The following FAM163A variants were observed in gnomAD, a reference collection of about 807,000 sequenced individuals.
FAM163A encodes the protein family with sequence similarity 163 member A.
In FAM163A, 7 loss-of-function variants were observed where a neutral mutation model predicts 12.0. That is an observed-to-expected ratio of 0.58 (90% confidence interval 0.33 to 1.10). The LOEUF (loss-of-function observed/expected upper bound fraction) is 1.10, where lower values mean the gene tolerates loss of function less well. Among genes scored for constraint, FAM163A ranks in the 50% least tolerant of loss-of-function variants. The probability of loss-of-function intolerance (pLI) is 0.03; values close to 1 mark genes in which losing one functional copy is unlikely to be tolerated. For missense variants in FAM163A, 202 were observed against 218.6 expected (o/e 0.92, Z 0.48); for synonymous variants, 101 against 91.0 (o/e 1.11, Z -0.62).
rs1159357483 is a variant in FAM163A at position 179,814,161 on chromosome 1, A to G, written c.476A>G (p.Asn159Ser). 4 of 1,613,944 alleles carry G rather than the reference A, an allele frequency of 2.5e-6. No homozygotes were observed. Among genetic ancestry groups the G allele is most frequent in the African/African-American group, 1.3e-5 (1 of 75,022 alleles). The change falls in exon 5 of 5, where the codon AAT (asparagine) becomes AGT (serine). Residue 159 changes from asparagine (N) to serine (S), a missense_variant. Coordinates refer to ENST00000341785, the MANE Select transcript of FAM163A (RefSeq NM_173509.3). The part of the protein sequence containing the change: ...WPGSGREAFT[N>S]PRAISTDV The stretch of plus-strand genomic sequence containing the variant: ...GGCTCTGGGCGTGAGGCCTTCACCA[A>G]TCCAAGGGCTATTAGTACAGACGTG...
At chr1:179,797,526 A>G (rs942105696) in intron 1 of FAM163A, among the ~76,000 whole-genome samples, 4 of 152,170 alleles carry the variant, frequency 2.6e-5, no homozygotes, top group Non-Finnish European at 4.4e-5. Context: ...GCTGGGGACT[A>G]CAGTTCCCAG....
At position 179,776,526 on chromosome 1, in the gene FAM163A, A is replaced by G. The variant is rs115336119; in HGVS notation, c.-135-31272A>G. Among the ~76,000 whole-genome samples, 1,164 of 151,758 alleles carry G rather than the reference A, an allele frequency of 7.7e-3. 17 individuals carry two copies. Among genetic ancestry groups the G allele is most frequent in the African/African-American group, 0.026 (1,085 of 41,422 alleles). On this transcript the variant is annotated intron_variant, in intron 1 of 4. Coordinates refer to ENST00000341785, the MANE Select transcript of FAM163A (RefSeq NM_173509.3). Reference sequence around the variant, plus strand: ...AAAACAGAGAGAGAAACCACCTACAACTTTACTGCCGTAGCATTCACTTAT... The same window carrying G: ...AAAACAGAGAGAGAAACCACCTACAGCTTTACTGCCGTAGCATTCACTTAT...
chr1:179,802,458 CG>C (rs1259857454), intron 1 of FAM163A, among the ~76,000 whole-genome samples: 1 of 152,204 alleles, frequency 6.6e-6, no homozygotes, highest in Non-Finnish European at 1.5e-5. Context: ...CCTGAGTTTA[CG>C]GGTCCACTCC....
chr1:179,815,114 GACACAC>G lies in FAM163A; in HGVS notation c.*957_*962del, dbSNP rs5779040. ...GTACGCACGCGCGCGCGCGCGCACA[GACACAC>G]ACACACACACACACACACACACACA... On this transcript the variant is annotated 3_prime_UTR_variant, in exon 5 of 5. Coordinates refer to ENST00000341785, the MANE Select transcript of FAM163A (RefSeq NM_173509.3). 301 of 129,832 alleles carry G rather than the reference GACACAC, an allele frequency of 2.3e-3. 3 individuals carry two copies. The highest frequency in any genetic ancestry group is 0.014 in the South Asian group (62 of 4,388). The allele number at this position is 129,832 out of a possible 1,614,324, so 8.0% of individuals were successfully genotyped here. A position where few individuals can be genotyped will look rare whatever the true frequency, so the allele number is the denominator to read the frequency against.
upstream of FAM163A, among the ~76,000 whole-genome samples, chr1:179,740,645 T>G (rs1683525777): frequency 6.6e-6 from 1 of 152,208 alleles, no homozygotes; most frequent in Non-Finnish European, 1.5e-5. Flanking sequence ...TACAAATGAT[T>G]TCATTTAAAT....
intron 3 of FAM163A, 57 bp downstream of exon 3, chr1:179,812,188 C>A (rs982390199): frequency 6.5e-6 from 1 of 152,712 alleles, no homozygotes; most frequent in African/African-American, 2.4e-5. Context: ...ATTCCCCACC[C>A]TCCTGCCCCT....
chr1:179,814,012 G>A lies in FAM163A; in HGVS notation c.327G>A (p.Thr109=), dbSNP rs780622657. Residue 109 remains threonine, a synonymous_variant, in exon 5 of 5, where the codon ACG becomes ACA. Transcript: ENST00000341785. ...SPYSSPFYIR[T]ADMVPNGGGG... is the part of the protein sequence containing the mutation. Reference sequence around the variant, plus strand: ...ACAGCTCCCCCTTTTACATACGGACGGCTGACATGGTGCCCAATGGGGGTG... The same window carrying A: ...ACAGCTCCCCCTTTTACATACGGACAGCTGACATGGTGCCCAATGGGGGTG... 3.7e-6 allele frequency: 6 copies of A among 1,613,076 alleles called. No homozygotes were observed. In the Admixed American group the frequency reaches 8.3e-5, roughly 22 times the overall value.
the FAM163A span, among the ~76,000 whole-genome samples, chr1:179,728,567 T>G: frequency 6.6e-6 from 1 of 152,200 alleles, no homozygotes; most frequent in Admixed American, 6.5e-5. Context: ...AGTGAATTCG[T>G]GGTCTCCAGA....
chr1:179,765,762 C>A (rs956755880), intron 1 of FAM163A, among the ~76,000 whole-genome samples: 2 of 148,278 alleles, frequency 1.3e-5, no homozygotes, highest in African/African-American at 2.5e-5. Flanking sequence ...TCTCTCACAT[C>A]CATGGTTTTG....
chr1:179,807,713 G>A (rs1263577085), intron 1 of FAM163A, 85 bp from the exon 2 acceptor site: 1 of 152,394 alleles, frequency 6.6e-6, no homozygotes, highest in Non-Finnish European at 1.5e-5. Flanking sequence ...AGAAGCTGGG[G>A]TCACAACTGG....
intron 1 of FAM163A, among the ~76,000 whole-genome samples, chr1:179,783,856 A>G (rs1690207894): frequency 7.5e-6 from 1 of 133,234 alleles, no homozygotes; most frequent in Admixed American, 7.3e-5. Flanking sequence ...ATTTTATATA[A>G]ATTTATATAA....
rs576530314 is a variant in FAM163A, at chr1:179,815,801, G to C, written c.*1612G>C. ...GAGGAAGGTCAGGGTGCCGCTGGGG[G>C]AGCAGGGAGCGGGGAGGGAGGAAGA... On this transcript the variant is annotated 3_prime_UTR_variant, in exon 5 of 5. Coordinates refer to ENST00000341785, the MANE Select transcript of FAM163A (RefSeq NM_173509.3). The C allele has an allele frequency of 2.6e-5, 4 of 152,480 alleles. No individual in the cohort carries two copies. The East Asian group carries it at 7.7e-4, about 29-fold the overall frequency. The allele number at this position is 152,480 out of a possible 1,614,324, so 9.4% of individuals were successfully genotyped here.
At chr1:179,785,448 G>A (rs1049748176) in intron 1 of FAM163A, among the ~76,000 whole-genome samples, 2 of 152,112 alleles carry the variant, frequency 1.3e-5, no homozygotes, top group African/African-American at 2.4e-5. Flanking sequence ...CTGGGTTTTC[G>A]TTCTGTAGCC....
chr1:179,739,536 AT>A (rs11352266), upstream of FAM163A, among the ~76,000 whole-genome samples: 92,684 of 151,294 alleles, frequency 0.61, 29,127 homozygotes, highest in East Asian at 0.96. Context: ...TTGTTTTGTG[AT>A]TTTTTTTTTA....
At chr1:179,797,525 T>C (rs1232199757) in intron 1 of FAM163A, among the ~76,000 whole-genome samples, 1 of 152,156 alleles carries the variant, frequency 6.6e-6, no homozygotes, top group Non-Finnish European at 1.5e-5. Context: ...GGCTGGGGAC[T>C]ACAGTTCCCA....
intron 1 of FAM163A, among the ~76,000 whole-genome samples, chr1:179,793,008 A>C (rs978108050): frequency 6.6e-6 from 1 of 151,370 alleles, no homozygotes; most frequent in Non-Finnish European, 1.5e-5. Context: ...GGGGAAGAGA[A>C]TATCATGAAA....
At chr1:179,780,187 A>G (rs1490884970) in intron 1 of FAM163A, among the ~76,000 whole-genome samples, 1 of 152,260 alleles carries the variant, frequency 6.6e-6, no homozygotes, top group Non-Finnish European at 1.5e-5. Flanking sequence ...ATGTATATTT[A>G]TGTTATGGGT....
chr1:179,737,834 C>CA, the FAM163A span, among the ~76,000 whole-genome samples: 641 of 119,612 alleles, frequency 5.4e-3, 5 homozygotes, highest in South Asian at 0.026. Context: ...GACTCTGTCT[C>CA]AAAAAAAAAA....
chr1:179,739,367 A>G (rs1683365561), upstream of FAM163A, among the ~76,000 whole-genome samples: 1 of 152,206 alleles, frequency 6.6e-6, no homozygotes, highest in South Asian at 2.1e-4. Context: ...AAGAGGATGA[A>G]AAGACTGGGG....
Sources: gnomAD v4.1 joint callset for allele counts (sites outside exome capture counted in the v4.1 genomes callset) on GRCh38, gnomAD v4.1.1 for gene constraint, MANE v1.5 for transcripts, NCBI Gene and HGNC (gene_info 2026-07-23, HGNC 2026-07-21) for gene names.